NUDT19: variants seen among roughly 807,000 people sequenced by gnomAD.
NUDT19 encodes the protein acyl-coenzyme A diphosphatase NUDT19.
A neutral mutation model predicts 22.2 loss-of-function variants in NUDT19; 31 were observed. That is an observed-to-expected ratio of 1.40 (90% CI 1.05 to 1.89). NUDT19 has a LOEUF of 1.89. Among genes scored for constraint, NUDT19 ranks in the 40% most tolerant of loss-of-function variants. NUDT19 has a pLI of 0.00. For missense variants in NUDT19, 752 were observed against 514.2 expected, an observed-to-expected ratio of 1.46 and a Z score of -4.47; for synonymous variants, 325 against 230.8, an observed-to-expected ratio of 1.41 and a Z score of -3.70.
intron 1 of NUDT19, among the ~76,000 whole-genome samples, chr19:32,697,513 T>C (rs1225772558): frequency 1.3e-5 from 2 of 152,156 alleles, no homozygotes; most frequent in Non-Finnish European, 2.9e-5. Flanking sequence ...TAATACTCCT[T>C]AGTCCTTCTA....
chr19:32,705,072 C>G (rs999844341), intron 1 of NUDT19, among the ~76,000 whole-genome samples: 1 of 145,210 alleles, frequency 6.9e-6, no homozygotes, highest in African/African-American at 2.6e-5. Context: ...CGCCATCGCA[C>G]TCCAGCCTGG....
At chr19:32,698,312 C>CT (rs1316234820) in intron 1 of NUDT19, among the ~76,000 whole-genome samples, 1 of 152,108 alleles carries the variant, frequency 6.6e-6, no homozygotes, top group African/African-American at 2.4e-5. Context: ...TGAGCCACCT[C>CT]TTTTTCAGGG....
intron 1 of NUDT19, among the ~76,000 whole-genome samples, chr19:32,693,017 A>AT (rs79329025): frequency 0.086 from 13,061 of 152,148 alleles, 1,088 homozygotes; most frequent in African/African-American, 0.21. Flanking sequence ...ACTTAATATG[A>AT]TCCAGTCTTC....
At chr19:32,692,732 C>T in intron 1 of NUDT19, 58 bp downstream of exon 1, 1 of 1,309,142 alleles carries the variant, frequency 7.6e-7, no homozygotes, top group South Asian at 1.6e-5. Flanking sequence ...GAGGACCCCT[C>T]CCAGCGGCCC....
chr19:32,694,237 G>T (rs1308087227), intron 1 of NUDT19, among the ~76,000 whole-genome samples: 1 of 152,230 alleles, frequency 6.6e-6, no homozygotes, highest in Non-Finnish European at 1.5e-5. Flanking sequence ...GAAAGGCGTT[G>T]TCTGATTTCA....
intron 1 of NUDT19, among the ~76,000 whole-genome samples, chr19:32,697,090 C>G (rs1434641632): frequency 6.6e-6 from 1 of 152,192 alleles, no homozygotes; most frequent in Non-Finnish European, 1.5e-5. Context: ...GTAAACCACA[C>G]TGATAACAAG....
In NUDT19 at chr19:32,704,815, T is replaced by C. The variant is rs532865509; in HGVS notation, c.715-4370T>C. Among the ~76,000 whole-genome samples, 60 of 152,124 alleles carry C rather than the reference T, an allele frequency of 3.9e-4. 2 individuals are homozygous for C. The South Asian group carries it at 0.011, about 28-fold the overall frequency. On this transcript the variant is annotated intron_variant, in intron 1 of 2. Coordinates refer to ENST00000397061, the MANE Select transcript of NUDT19 (RefSeq NM_001105570.2). ...ATCTTGTCACATTCCTTAAAGAGTA[T>C]TGGACTTTGGGCCGGGCATGGTGGT...
chr19:32,694,424 A>G (rs749975453), intron 1 of NUDT19, among the ~76,000 whole-genome samples: 27 of 152,214 alleles, frequency 1.8e-4, no homozygotes, highest in Non-Finnish European at 3.1e-4. Context: ...TGTAGTTACT[A>G]TCCTTACTGA....
chr19:32,702,977 C>T (rs957714852), intron 1 of NUDT19, among the ~76,000 whole-genome samples: 3 of 152,090 alleles, frequency 2.0e-5, no homozygotes, highest in African/African-American at 7.2e-5. Context: ...CTCTACAATA[C>T]ACTGTGATTA....
rs1968204008 is a variant in NUDT19 at position 32,692,466 on chromosome 19, AC to A, written c.508del (p.Arg170AlafsTer95). On this transcript the variant is annotated frameshift_variant, in exon 1 of 3. Coordinates refer to ENST00000397061, the MANE Select transcript of NUDT19 (RefSeq NM_001105570.2). LOFTEE classifies it high-confidence loss of function. ...CCGCCGGGCCTGGCCTCCTGGCGCG[AC>A]CGCGTGCGCCAGGACCCGCGCCACT... ...EPPPGLASWR[D>X]RVRQDPRHFL... The A allele has an allele frequency of 6.5e-7, 1 of 1,546,528 alleles. No homozygotes were observed. The highest frequency in any genetic ancestry group is 2.0e-5 in the Admixed American group (1 of 51,250).
intron 1 of NUDT19, among the ~76,000 whole-genome samples, chr19:32,700,592 G>C (rs1258873047): frequency 1.3e-5 from 2 of 152,154 alleles, no homozygotes; most frequent in African/African-American, 4.8e-5. Context: ...ACCACGCTTG[G>C]CTAATTGTTT....
chr19:32,692,121 G>A lies in NUDT19; in HGVS notation c.161G>A (p.Gly54Asp). Residue 54 changes from glycine to aspartate, a missense_variant, in exon 1 of 3, where the codon GGC becomes GAC. Coordinates refer to ENST00000397061, the MANE Select transcript of NUDT19 (RefSeq NM_001105570.2). The part of the protein sequence containing the change: ...LLLLQRSPHQ[G>D]FMPGAHVFSG... The stretch of plus-strand genomic sequence containing the variant: ...CTGCTGCAGCGCTCCCCGCACCAAG[G>A]CTTCATGCCGGGCGCGCACGTCTTC... The A allele has an allele frequency of 2.7e-6, 4 of 1,463,012 alleles. No individual in the cohort carries two copies. The highest frequency in any genetic ancestry group is 2.6e-5 in the Admixed American group (1 of 38,414). 90.6% of individuals were successfully genotyped at this position (1,463,012 alleles called of 1,614,324 possible). A position where few individuals can be genotyped will look rare whatever the true frequency, so the allele number is the denominator to read the frequency against.
At chr19:32,707,611 G>A (rs1281029533) in intron 1 of NUDT19, among the ~76,000 whole-genome samples, 4 of 152,098 alleles carry the variant, frequency 2.6e-5, no homozygotes, top group Non-Finnish European at 2.9e-5. Context: ...TTGGGAGGCC[G>A]AGGTGGGTGG....
rs754035101 is a variant in NUDT19, at chr19:32,711,900, G to A, written c.1071G>A (p.Gln357=). ...TTTATGATATCCACGTGACTGTTCA[G>A]CCAAAGTATAAACACGTTTATCCTA... ...RHLYDIHVTV[Q]PKYKHVYPKN... is the part of the protein sequence containing the mutation. The change falls in exon 3 of 3, where the codon CAG becomes CAA. Residue 357 remains glutamine (Q), a synonymous_variant. Coordinates refer to ENST00000397061, the MANE Select transcript of NUDT19 (RefSeq NM_001105570.2). The A allele has an allele frequency of 8.1e-6, 13 of 1,613,868 alleles. No homozygotes were observed. Among genetic ancestry groups the A allele is most frequent in the Admixed American group, 6.7e-5 (4 of 59,974 alleles).
At chr19:32,699,984 C>T (rs1387673094) in intron 1 of NUDT19, among the ~76,000 whole-genome samples, 4 of 150,300 alleles carry the variant, frequency 2.7e-5, no homozygotes, top group Admixed American at 6.6e-5. Flanking sequence ...CCTCCTGGTG[C>T]GTTCCTGGTC....
intron 1 of NUDT19, among the ~76,000 whole-genome samples, chr19:32,695,060 A>G (rs1393080210): frequency 1.3e-5 from 2 of 152,252 alleles, no homozygotes; most frequent in Non-Finnish European, 2.9e-5. Context: ...GGAAGGCTAC[A>G]GGTTGTCAGT....
At position 32,692,547 on chromosome 19, in the gene NUDT19, A is replaced by G. The variant is rs757803417; in HGVS notation, c.587A>G (p.Asn196Ser). The stretch of plus-strand genomic sequence containing the variant: ...ACACCCGACATCTGGGCGCTGCACA[A>G]CTGGAGCGCCTGGCTCACCCCTTTC... ...DCTPDIWALHNWSAWLTPFLR... is the reference protein window; with the variant it reads ...DCTPDIWALHSWSAWLTPFLR... The change falls in exon 1 of 3, where the codon AAC (asparagine) becomes AGC (serine). Residue 196 changes from asparagine (N) to serine (S), a missense_variant. Physicochemically the swap from Asn to Ser is conservative, Grantham distance 46 (BLOSUM62 1). Transcript: ENST00000397061. 4.4e-6 allele frequency: 7 copies of G among 1,595,436 alleles called. No homozygotes were observed. Among genetic ancestry groups the G allele is most frequent in the African/African-American group, 2.7e-5 (2 of 73,118 alleles).
chr19:32,708,808 C>T (rs898362838), intron 1 of NUDT19, among the ~76,000 whole-genome samples: 1 of 152,214 alleles, frequency 6.6e-6, no homozygotes, highest in Non-Finnish European at 1.5e-5. Context: ...GAGGAATGAA[C>T]AGGCACCAAA....
intron 1 of NUDT19, among the ~76,000 whole-genome samples, chr19:32,702,455 G>A (rs929024265): frequency 8.5e-5 from 13 of 152,100 alleles, no homozygotes; most frequent in Non-Finnish European, 1.8e-4. Flanking sequence ...GAGGGTTTCT[G>A]GCTATTATAA....
Sources: gnomAD v4.1 joint callset for allele counts (sites outside exome capture counted in the v4.1 genomes callset) on GRCh38, gnomAD v4.1.1 for gene constraint, MANE v1.5 for transcripts, NCBI Gene and HGNC (gene_info 2026-07-23, HGNC 2026-07-21) for gene names.